Variants in GPC5 observed in about 807,000 individuals in gnomAD.
GPC5 encodes glypican-5.
In GPC5, 47 loss-of-function variants were observed where a neutral mutation model predicts 53.9. That is an observed-to-expected ratio of 0.87 (90% CI 0.69 to 1.11). The LOEUF is 1.11. Ranked by LOEUF, GPC5 falls within the 50% of genes most tolerant of loss-of-function variation. The pLI is 0.00. For synonymous variants in GPC5, 286 were observed against 263.3 expected (o/e 1.09, Z -0.84); for missense variants, 748 against 713.1 (o/e 1.05, Z -0.56).
chr13:91,537,832 T>G (rs1886659718), intron 2 of GPC5, among the ~76,000 whole-genome samples: 1 of 152,218 alleles, frequency 6.6e-6, no homozygotes, highest in Non-Finnish European at 1.5e-5. Flanking sequence ...CAAGTGGAAT[T>G]TATTGCAGGA....
At chr13:91,933,804 C>T (rs1224135353) in intron 6 of GPC5, among the ~76,000 whole-genome samples, 3 of 151,938 alleles carry the variant, frequency 2.0e-5, no homozygotes, top group Non-Finnish European at 2.9e-5. Context: ...AAGACTGACA[C>T]TGTGTATCAT....
intron 7 of GPC5, among the ~76,000 whole-genome samples, chr13:92,463,960 C>T (rs1401060662): frequency 1.3e-5 from 2 of 152,070 alleles, no homozygotes; most frequent in East Asian, 1.9e-4. Flanking sequence ...ATTTTTGTCA[C>T]ATGTTAAATT....
At chr13:91,912,019 G>C (rs1454718719) in intron 6 of GPC5, among the ~76,000 whole-genome samples, 1 of 152,156 alleles carries the variant, frequency 6.6e-6, no homozygotes, top group Non-Finnish European at 1.5e-5. Context: ...TGTAAGCACA[G>C]AGTGTGGATA....
intron 7 of GPC5, among the ~76,000 whole-genome samples, chr13:92,775,555 A>G (rs924263425): frequency 6.6e-6 from 1 of 152,172 alleles, no homozygotes; most frequent in African/African-American, 2.4e-5. Context: ...GCTAGAATCC[A>G]TTGTCCAGGT....
At chr13:91,571,850 T>TACAC (rs1467023729) in intron 2 of GPC5, among the ~76,000 whole-genome samples, 755 of 70,432 alleles carry the variant, frequency 0.011, 75 homozygotes, top group Admixed American at 0.02. Context: ...TGTGTGTATA[T>TACAC]ACACATATAC....
At chr13:91,918,680 C>CT (rs1198570688) in intron 6 of GPC5, among the ~76,000 whole-genome samples, 1 of 152,102 alleles carries the variant, frequency 6.6e-6, no homozygotes, top group Admixed American at 6.6e-5. Context: ...AACCAATAGC[C>CT]TTTTTTTCAG....
intron 5 of GPC5, among the ~76,000 whole-genome samples, chr13:91,861,359 T>C (rs1450088192): frequency 1.3e-5 from 2 of 152,212 alleles, no homozygotes; most frequent in African/African-American, 4.8e-5. Flanking sequence ...CCTTCAGTTC[T>C]GCTTACTTTC....
intron 7 of GPC5, among the ~76,000 whole-genome samples, chr13:92,326,512 T>C (rs2043252302): frequency 6.6e-6 from 1 of 152,048 alleles, no homozygotes; most frequent in African/African-American, 2.4e-5. Context: ...CTTTGTATTA[T>C]GTTTACAATA....
rs559293943 is a variant in GPC5 at position 91,995,782 on chromosome 13, A to T, written c.1401+87725A>T. ...TAAATCAGTCAGTAAGATCATATACATCTGGGCCACTGGTATATATTTAAG... is the reference window on the plus strand; with the variant it reads ...TAAATCAGTCAGTAAGATCATATACTTCTGGGCCACTGGTATATATTTAAG... On this transcript the variant is annotated intron_variant, in intron 6 of 7. Coordinates refer to ENST00000377067, the MANE Select transcript of GPC5 (RefSeq NM_004466.6). 2.0e-5 allele frequency: 3 copies of T among 152,310 alleles called. No homozygotes were observed. The South Asian group carries it at 6.2e-4, about 32-fold the overall frequency. 9.4% of individuals were successfully genotyped at this position (152,310 alleles called of 1,614,324 possible).
chr13:91,781,874 G>C (rs2037803868), intron 5 of GPC5, among the ~76,000 whole-genome samples: 2 of 152,066 alleles, frequency 1.3e-5, no homozygotes, highest in Non-Finnish European at 2.9e-5. Flanking sequence ...TCAAATGAAG[G>C]TTCCATCAAA....
chr13:92,576,127 T>A (rs1883182855), intron 7 of GPC5, among the ~76,000 whole-genome samples: 2 of 152,242 alleles, frequency 1.3e-5, no homozygotes, highest in Non-Finnish European at 1.5e-5. Flanking sequence ...AATACTAATT[T>A]TAATTTCAGT....
chr13:91,850,217 T>C (rs2038897892), intron 5 of GPC5, among the ~76,000 whole-genome samples: 1 of 152,160 alleles, frequency 6.6e-6, no homozygotes, highest in African/African-American at 2.4e-5. Context: ...ATAATTAGTA[T>C]CATTAAATTA....
intron 7 of GPC5, among the ~76,000 whole-genome samples, chr13:92,233,253 G>C (rs1296421733): frequency 6.6e-6 from 1 of 152,212 alleles, no homozygotes; most frequent in Non-Finnish European, 1.5e-5. Flanking sequence ...CTGTCACCAA[G>C]TACATGATTC....
chr13:92,004,461 TATATATATA>T (rs1464386092), intron 6 of GPC5, among the ~76,000 whole-genome samples: 734 of 41,374 alleles, frequency 0.018, 17 homozygotes, highest in African/African-American at 0.041. Flanking sequence ...AAAAAAATTA[TATATATATA>T]TATATATATA....
Position 92,304,979 on chromosome 13 carries a change from C to T in GPC5, c.1561+159990C>T, listed in dbSNP as rs1485867184. On this transcript the variant is annotated intron_variant, in intron 7 of 7. Transcript: ENST00000377067. ...AACCATTAGAGTAAATAGATGAGAT[C>T]GGGTGCGTTCAGGGTGGTATTGCCA... Among the ~76,000 whole-genome samples, 7 of 152,004 alleles carry T rather than the reference C, an allele frequency of 4.6e-5. No individual in the cohort carries two copies. The East Asian group carries it at 5.8e-4, about 13-fold the overall frequency.
chr13:92,178,982 G>A (rs61967881), intron 7 of GPC5, among the ~76,000 whole-genome samples: 31,529 of 151,660 alleles, frequency 0.21, 4,175 homozygotes, highest in South Asian at 0.41. Context: ...AAAAATAAAT[G>A]AATAAATAAA....
chr13:92,366,523 A>C (rs2139288360), intron 7 of GPC5, among the ~76,000 whole-genome samples: 2 of 151,936 alleles, frequency 1.3e-5, no homozygotes, highest in South Asian at 4.1e-4. Flanking sequence ...TTTTTCTGAA[A>C]TTCTTTACAT....
chr13:92,269,968 T>G (rs2042828789), intron 7 of GPC5, among the ~76,000 whole-genome samples: 1 of 152,138 alleles, frequency 6.6e-6, no homozygotes, highest in South Asian at 2.1e-4. Context: ...TGTAGTTATA[T>G]CCTCCGAGTG....
chr13:92,500,006 GA>G lies in GPC5; in HGVS notation c.1561+355024del, dbSNP rs534458155. The stretch of plus-strand genomic sequence containing the variant: ...AAAGTAAATAGTGACAGATAGATTG[GA>G]AAAAAACAGAATTCAAAATACCACT... On this transcript the variant is annotated intron_variant, in intron 7 of 7. Coordinates refer to ENST00000377067, the MANE Select transcript of GPC5 (RefSeq NM_004466.6). Among the ~76,000 whole-genome samples, 24 of 152,146 alleles carry G rather than the reference GA, an allele frequency of 1.6e-4. No individual in the cohort carries two copies. In the South Asian group the frequency reaches 3.9e-3, roughly 25 times the overall value.
Sources: gnomAD v4.1 joint callset for allele counts (sites outside exome capture counted in the v4.1 genomes callset) on GRCh38, gnomAD v4.1.1 for gene constraint, MANE v1.5 for transcripts, NCBI Gene and HGNC (gene_info 2026-07-23, HGNC 2026-07-21) for gene names.